The following SCHIP1 variants were observed in gnomAD, a reference collection of about 807,000 sequenced individuals.
The protein encoded by SCHIP1 is schwannomin-interacting protein 1.
In SCHIP1, 8 loss-of-function variants were observed where a neutral mutation model predicts 29.7. The ratio of observed to expected loss-of-function variants is 0.27; its 90% CI spans 0.16 to 0.49. The LOEUF is 0.49. SCHIP1 is among the 20% of genes least tolerant of loss of function. The pLI, the probability that SCHIP1 is intolerant of heterozygous loss-of-function variation, is 0.99. For synonymous variants in SCHIP1, 76 were observed against 94.9 expected (o/e 0.80, Z 1.16); for missense variants, 193 against 294.6 (o/e 0.66, Z 2.52).
At chr3:159,548,164 TGTTA>T in the SCHIP1 span, among the ~76,000 whole-genome samples, 1 of 152,218 alleles carries the variant, frequency 6.6e-6, no homozygotes, top group East Asian at 1.9e-4. Context: ...TCTTGTAAGG[TGTTA>T]GTATTACAAC....
chr3:159,810,982 A>G, the SCHIP1 span, among the ~76,000 whole-genome samples: 301 of 152,306 alleles, frequency 2.0e-3, 1 homozygote, highest in African/African-American at 7.0e-3. Context: ...TTGTCTTTTT[A>G]TTATATTCCT....
At chr3:159,798,610 T>G in the SCHIP1 span, among the ~76,000 whole-genome samples, 1 of 151,858 alleles carries the variant, frequency 6.6e-6, no homozygotes, top group South Asian at 2.1e-4. Context: ...ATGCAAAAAT[T>G]AGTTGGGCGT....
At chr3:159,668,763 C>T in the SCHIP1 span, among the ~76,000 whole-genome samples, 6 of 152,124 alleles carry the variant, frequency 3.9e-5, no homozygotes, top group Non-Finnish European at 5.9e-5. Flanking sequence ...GCTTTCCCTT[C>T]GACTCTTTCC....
the SCHIP1 span, among the ~76,000 whole-genome samples, chr3:159,745,692 T>A: frequency 3.3e-5 from 5 of 152,266 alleles, no homozygotes; most frequent in African/African-American, 1.2e-4. Context: ...TGCTCATGTA[T>A]CTAACCTTAT....
At chr3:159,691,416 CTTTTT>C in the SCHIP1 span, among the ~76,000 whole-genome samples, 1 of 106,702 alleles carries the variant, frequency 9.4e-6, no homozygotes, top group African/African-American at 3.6e-5. Context: ...GCAACCCCTG[CTTTTT>C]TTTTTTTTTT....
At chr3:159,778,414 A>C in the SCHIP1 span, among the ~76,000 whole-genome samples, 1 of 152,144 alleles carries the variant, frequency 6.6e-6, no homozygotes, top group Non-Finnish European at 1.5e-5. Flanking sequence ...GCTTCCCCTT[A>C]TGTTAATATC....
chr3:159,876,759 G>A (rs779533480), intron 2 of SCHIP1, among the ~76,000 whole-genome samples: 1 of 152,188 alleles, frequency 6.6e-6, no homozygotes, highest in Non-Finnish European at 1.5e-5. Context: ...GGAAGAAAAG[G>A]TGAAACATGT....
the SCHIP1 span, among the ~76,000 whole-genome samples, chr3:159,685,798 A>C: frequency 6.6e-6 from 1 of 152,228 alleles, no homozygotes; most frequent in African/African-American, 2.4e-5. Flanking sequence ...TGATGGGCTA[A>C]CTTATTCAGA....
At chr3:159,592,485 A>T in the SCHIP1 span, among the ~76,000 whole-genome samples, 1 of 151,634 alleles carries the variant, frequency 6.6e-6, no homozygotes, top group Non-Finnish European at 1.5e-5. Flanking sequence ...AATCTCTACC[A>T]TGTGTCCCCT....
At chr3:159,656,026 C>G in the SCHIP1 span, among the ~76,000 whole-genome samples, 1 of 152,184 alleles carries the variant, frequency 6.6e-6, no homozygotes, top group Non-Finnish European at 1.5e-5. Context: ...GCAAAGAGAA[C>G]AGCAGTCCCA....
the SCHIP1 span, among the ~76,000 whole-genome samples, chr3:159,624,825 T>C: frequency 2.6e-5 from 4 of 152,152 alleles, no homozygotes; most frequent in Admixed American, 1.3e-4. Context: ...TCACAGCACC[T>C]GAGGGACTTG....
the SCHIP1 span, among the ~76,000 whole-genome samples, chr3:159,807,944 G>C: frequency 2.6e-5 from 4 of 152,194 alleles, no homozygotes; most frequent in African/African-American, 4.8e-5. Context: ...TAGCTAAACA[G>C]TGTGGCCAAT....
chr3:159,760,950 T>C, the SCHIP1 span, among the ~76,000 whole-genome samples: 4 of 152,176 alleles, frequency 2.6e-5, no homozygotes, highest in Non-Finnish European at 5.9e-5. Context: ...ATGCAGTGAG[T>C]GTCACGGGCA....
At chr3:159,360,812 G>A in the SCHIP1 span, among the ~76,000 whole-genome samples, 2 of 151,900 alleles carry the variant, frequency 1.3e-5, no homozygotes, top group African/African-American at 4.8e-5. Flanking sequence ...ATCCTTTACT[G>A]ACCATTTGTT....
At chr3:159,777,896 A>T in the SCHIP1 span, among the ~76,000 whole-genome samples, 36 of 152,366 alleles carry the variant, frequency 2.4e-4, no homozygotes, top group Non-Finnish European at 4.6e-4. Flanking sequence ...CCTCTTTGGA[A>T]CTATTGGCTC....
the SCHIP1 span, among the ~76,000 whole-genome samples, chr3:159,638,321 A>C: frequency 6.6e-6 from 1 of 152,218 alleles, no homozygotes; most frequent in Non-Finnish European, 1.5e-5. Flanking sequence ...TCCCAACACC[A>C]GTCAATGAAA....
chr3:159,538,369 CTTAT>C, the SCHIP1 span, among the ~76,000 whole-genome samples: 1 of 152,062 alleles, frequency 6.6e-6, no homozygotes, highest in Non-Finnish European at 1.5e-5. Flanking sequence ...ATTTTCCTTA[CTTAT>C]TAAGTGTTTT....
the SCHIP1 span, among the ~76,000 whole-genome samples, chr3:159,443,098 T>C: frequency 6.6e-6 from 1 of 152,172 alleles, no homozygotes; most frequent in Non-Finnish European, 1.5e-5. Context: ...CAGAGTAATT[T>C]TCCATAAACC....
chr3:159,274,354 C>G, the SCHIP1 span: 1 of 978,628 alleles, frequency 1.0e-6, no homozygotes, highest in Non-Finnish European at 1.2e-6. Flanking sequence ...TCTAGGTATT[C>G]TAATGTCAAT....
Sources: gnomAD v4.1 joint callset for allele counts (sites outside exome capture counted in the v4.1 genomes callset) on GRCh38, gnomAD v4.1.1 for gene constraint, MANE v1.5 for transcripts, NCBI Gene and HGNC (gene_info 2026-07-23, HGNC 2026-07-21) for gene names.